Variants in NTM observed in about 807,000 individuals in gnomAD.
The protein encoded by NTM is IgLON family member 2.
Under a neutral mutation model 42.1 loss-of-function variants are expected in NTM, and 13 were observed. That is an observed-to-expected ratio of 0.31 (90% CI 0.20 to 0.49). The LOEUF (loss-of-function observed/expected upper bound fraction) is 0.49. Ranked by LOEUF, NTM falls within the 20% of genes least tolerant of loss-of-function variation. The pLI is 0.99. For missense variants in NTM, 373 were observed against 452.8 expected, an observed-to-expected ratio of 0.82 and a Z score of 1.60; for synonymous variants, 187 against 179.2, an observed-to-expected ratio of 1.04 and a Z score of -0.35.
chr11:131,448,506 C>T (rs1950237430), intron 1 of NTM, among the ~76,000 whole-genome samples: 1 of 152,318 alleles, frequency 6.6e-6, no homozygotes, highest in South Asian at 2.1e-4. Flanking sequence ...AGATGATAGA[C>T]CTGCGGACCA....
chr11:132,086,488 G>A (rs1409695860), intron 2 of NTM, among the ~76,000 whole-genome samples: 1 of 152,118 alleles, frequency 6.6e-6, no homozygotes, highest in Non-Finnish European at 1.5e-5. Context: ...ATTAAGCTGA[G>A]TGCTGTTTAA....
intron 1 of NTM, among the ~76,000 whole-genome samples, chr11:131,541,178 C>G (rs375577993): frequency 6.6e-6 from 1 of 152,164 alleles, no homozygotes; most frequent in East Asian, 1.9e-4. Context: ...GCTGCCTCCC[C>G]GTCCTGCCTC....
At chr11:131,925,533 A>G (rs969413144) in intron 2 of NTM, among the ~76,000 whole-genome samples, 4 of 151,974 alleles carry the variant, frequency 2.6e-5, no homozygotes, top group Admixed American at 1.3e-4. Context: ...CCACAGGTAC[A>G]TGCCACCATG....
intron 1 of NTM, among the ~76,000 whole-genome samples, chr11:131,446,339 G>A (rs1189764388): frequency 6.6e-6 from 1 of 152,120 alleles, no homozygotes; most frequent in Non-Finnish European, 1.5e-5. Context: ...CCTGCAGATG[G>A]AAACCGCCTG....
chr11:131,413,071 A>T (rs957100234), intron 1 of NTM, among the ~76,000 whole-genome samples: 2 of 152,164 alleles, frequency 1.3e-5, no homozygotes, highest in Non-Finnish European at 2.9e-5. Flanking sequence ...AGGTTCACAC[A>T]ACTCTTTGGT....
chr11:132,036,108 G>A (rs1455627548), intron 2 of NTM, among the ~76,000 whole-genome samples: 1 of 152,120 alleles, frequency 6.6e-6, no homozygotes, highest in Non-Finnish European at 1.5e-5. Context: ...TTCTACTGTG[G>A]TCTGTTTCTT....
intron 1 of NTM, among the ~76,000 whole-genome samples, chr11:131,806,493 C>T (rs914117689): frequency 6.6e-6 from 1 of 152,030 alleles, no homozygotes; most frequent in Non-Finnish European, 1.5e-5. Flanking sequence ...TGCTCAACAA[C>T]TATTTATTAA....
intron 1 of NTM, among the ~76,000 whole-genome samples, chr11:131,760,753 A>G (rs2084035877): frequency 6.6e-6 from 1 of 152,186 alleles, no homozygotes; most frequent in African/African-American, 2.4e-5. Context: ...TTGAAGTGAG[A>G]CGAGGAGGAG....
intron 1 of NTM, among the ~76,000 whole-genome samples, chr11:131,623,998 T>C (rs924876237): frequency 4.6e-5 from 7 of 152,150 alleles, no homozygotes; most frequent in African/African-American, 1.7e-4. Context: ...CACTAAAGGC[T>C]CTTAATTCTT....
chr11:131,670,184 G>T (rs1235319927), intron 1 of NTM, among the ~76,000 whole-genome samples: 2 of 152,034 alleles, frequency 1.3e-5, no homozygotes, highest in African/African-American at 4.8e-5. Flanking sequence ...ATAACAGAAG[G>T]CGCCCCAAAA....
rs1412582593 is a variant in NTM at position 131,681,147 on chromosome 11, CTG to C, written c.83-230408_83-230407del. 1.8e-3 allele frequency among the ~76,000 whole-genome samples: 93 copies of C among 51,496 alleles called. 26 individuals carry two copies. Among genetic ancestry groups the C allele is most frequent in the African/African-American group, 5.0e-3 (92 of 18,516 alleles). The allele number at this position is 51,496 out of a possible 152,430, so 33.8% of individuals were successfully genotyped here. On this transcript the variant is annotated intron_variant, in intron 1 of 8. Transcript: ENST00000683400. Reference sequence around the variant, plus strand: ...TGTGTTTCTGTGTATGTATGTTTCCCTGTGTGTGTGAGCATGTGTGTTTCTGT... The same window carrying C: ...TGTGTTTCTGTGTATGTATGTTTCCCTGTGTGTGAGCATGTGTGTTTCTGT...
chr11:131,575,985 A>G (rs2057895573), intron 1 of NTM, among the ~76,000 whole-genome samples: 1 of 152,184 alleles, frequency 6.6e-6, no homozygotes, highest in South Asian at 2.1e-4. Flanking sequence ...GTCTGATGCT[A>G]TTCAGGACTG....
chr11:132,299,577 G>A (rs2094762575), intron 4 of NTM, among the ~76,000 whole-genome samples: 2 of 152,206 alleles, frequency 1.3e-5, no homozygotes, highest in South Asian at 4.1e-4. Flanking sequence ...GTTGCCATAT[G>A]CATACTCTAC....
chr11:132,179,320 A>G (rs2138009926), intron 3 of NTM, among the ~76,000 whole-genome samples: 1 of 152,310 alleles, frequency 6.6e-6, no homozygotes, highest in South Asian at 2.1e-4. Flanking sequence ...TGGATGCACA[A>G]GAGAAAATCC....
intron 1 of NTM, among the ~76,000 whole-genome samples, chr11:131,720,957 A>G (rs1475281016): frequency 6.6e-6 from 1 of 152,192 alleles, no homozygotes; most frequent in Non-Finnish European, 1.5e-5. Context: ...CTAAATTATT[A>G]TTATTATCAT....
At chr11:131,459,465 C>T (rs1053390353) in intron 1 of NTM, among the ~76,000 whole-genome samples, 91 of 152,132 alleles carry the variant, frequency 6.0e-4, no homozygotes, top group African/African-American at 2.1e-3. Context: ...TTCAGAATTT[C>T]AACTTACACA....
chr11:131,544,234 AT>A (rs2053636071), intron 1 of NTM, among the ~76,000 whole-genome samples: 1 of 152,152 alleles, frequency 6.6e-6, no homozygotes, highest in African/African-American at 2.4e-5. Context: ...TTTAAAAAAT[AT>A]TTTTTCCAAT....
intron 1 of NTM, chr11:131,910,250 T>A (rs568034592): frequency 6.6e-6 from 1 of 152,370 alleles, no homozygotes; most frequent in East Asian, 1.9e-4. Context: ...CTGATCATTT[T>A]AAAGGTGCAT....
chr11:131,525,499 G>A lies in NTM; in HGVS notation c.82+154611G>A, dbSNP rs150469503. ...GGCCACACCAGCATTTAGCACAGTC[G>A]GGGTGGGCCAGGAGTCAAAGGTAGC... On this transcript the variant is annotated intron_variant, in intron 1 of 8. Coordinates refer to ENST00000683400, the MANE Select transcript of NTM (RefSeq NM_001352005.2). Among the ~76,000 whole-genome samples, 696 of 152,268 alleles carry A rather than the reference G, an allele frequency of 4.6e-3. 5 individuals carry two copies. Among genetic ancestry groups the A allele is most frequent in the African/African-American group, 0.015 (637 of 41,554 alleles).
Sources: allele counts gnomAD v4.1 joint callset (sites outside exome capture counted in the v4.1 genomes callset), GRCh38; gene constraint gnomAD v4.1.1; transcripts MANE v1.5; gene names NCBI Gene and HGNC (gene_info 2026-07-23, HGNC 2026-07-21).